Variants in CEP350 observed in about 807,000 individuals in gnomAD.
CEP350 encodes the protein centrosome-associated protein 350.
In CEP350, 126 loss-of-function variants were observed where a neutral mutation model predicts 331.8. The observed-to-expected ratio is 0.38, with a 90% CI of 0.33 to 0.44. The LOEUF (loss-of-function observed/expected upper bound fraction) is 0.44, where lower values mean the gene tolerates loss of function less well. CEP350 is among the 20% of genes least tolerant of loss of function. CEP350 has a pLI of 1.00. For synonymous variants in CEP350, 1,200 were observed against 1,259.5 expected (o/e 0.95, Z 1.00); for missense variants, 3,406 against 3,634.6 (o/e 0.94, Z 1.62).
chr1:180,041,577 A>T, intron 18 of CEP350, 85 bp from the exon 19 acceptor site: 1 of 1,301,148 alleles, frequency 7.7e-7, no homozygotes, highest in Non-Finnish European at 1.0e-6. Flanking sequence ...TGAATAAGAC[A>T]TGAAATAAAT....
chr1:179,997,281 T>C, intron 6 of CEP350, 106 bp downstream of exon 6: 1 of 1,339,938 alleles, frequency 7.5e-7, no homozygotes, highest in Non-Finnish European at 1.0e-6. Context: ...GATGTTATTC[T>C]TGACTGCATA....
chr1:180,032,776 A>G (rs1209190107), intron 15 of CEP350, among the ~76,000 whole-genome samples: 1 of 152,118 alleles, frequency 6.6e-6, no homozygotes, highest in Non-Finnish European at 1.5e-5. Context: ...TAGCAAATAT[A>G]AATTCATCTT....
At chr1:179,990,666 A>C (rs1477007983) in intron 4 of CEP350, 45 bp downstream of exon 4, 1 of 1,068,372 alleles carries the variant, frequency 9.4e-7, no homozygotes, top group African/African-American at 1.6e-5. Flanking sequence ...ATTAAATATA[A>C]ATTTTGACAA....
rs996331375 is a variant in CEP350 at position 180,113,901 on chromosome 1, C to A, written c.*2740C>A. ...AACCAACATACAGGCTTCAGATTTA[C>A]TTCTGAGTCCAAAACAATTTGTGCT... is the stretch of plus-strand genomic sequence containing the variant. On this transcript the variant is annotated 3_prime_UTR_variant, in exon 38 of 38. Coordinates refer to ENST00000367607, the MANE Select transcript of CEP350 (RefSeq NM_014810.5). 6.6e-6 allele frequency: 1 copy of A among 152,600 alleles called. No homozygotes were observed. Among genetic ancestry groups the A allele is most frequent in the Non-Finnish European group, 1.5e-5 (1 of 68,042 alleles). The allele number at this position is 152,600 out of a possible 1,614,324, so 9.5% of individuals were successfully genotyped here. A position where few individuals can be genotyped will look rare whatever the true frequency, so the allele number is the denominator to read the frequency against.
At chr1:180,044,260 T>C in intron 21 of CEP350, 87 bp downstream of exon 21, 1 of 1,320,386 alleles carries the variant, frequency 7.6e-7, no homozygotes, top group South Asian at 1.7e-5. Flanking sequence ...TTCTTAATCT[T>C]GTTTATTTAA....
At position 180,084,077 on chromosome 1, in the gene CEP350, C is replaced by T. The variant is rs370144436; in HGVS notation, c.6184C>T (p.Arg2062Trp). Residue 2062 changes from arginine to tryptophan, a missense_variant, in exon 31 of 38, where the codon CGG becomes TGG. By Grantham distance (101) the Arg-to-Trp change is moderately radical. Coordinates refer to ENST00000367607, the MANE Select transcript of CEP350 (RefSeq NM_014810.5). Reference sequence around the variant, plus strand: ...GATCAGAGCTCTGAAGGATGAGTTGCGGAAAAGAAAATCAGTTGTGAACCA... The same window carrying T: ...GATCAGAGCTCTGAAGGATGAGTTGTGGAAAAGAAAATCAGTTGTGAACCA... ...GRIRALKDEL[R>W]KRKSVVNQLK... 3.5e-5 allele frequency: 56 copies of T among 1,599,382 alleles called. 2 individuals carry two copies. In the Admixed American group the frequency reaches 7.9e-4, roughly 23 times the overall value.
chr1:180,022,761 C>T lies in CEP350; in HGVS notation c.3299C>T (p.Pro1100Leu), dbSNP rs1344238048. 1 of 1,610,618 alleles carries T rather than the reference C, an allele frequency of 6.2e-7. No individual in the cohort carries two copies. The highest frequency in any genetic ancestry group is 1.1e-5 in the South Asian group (1 of 90,398). ...TSRPLNATAT[P>L]LSGVSYEDDF... ...CGGCCTTTGAATGCCACCGCAACTC[C>T]TCTAAGTGGTGTTTCATATGAAGAT... is the stretch of plus-strand genomic sequence containing the variant. Residue 1100 changes from proline to leucine, a missense_variant, in exon 13 of 38, where the codon CCT (proline) becomes CTT (leucine). Physicochemically the swap from Pro to Leu is moderately conservative, Grantham distance 98. Transcript: ENST00000367607.
intron 6 of CEP350, among the ~76,000 whole-genome samples, chr1:180,000,188 T>C (rs1350099333): frequency 6.6e-6 from 1 of 152,058 alleles, no homozygotes; most frequent in Non-Finnish European, 1.5e-5. Flanking sequence ...AGTTAACATA[T>C]AAGATGCAAA....
Position 180,041,139 on chromosome 1 carries a change from C to A in CEP350, c.4112C>A (p.Ala1371Glu). 3 of 1,586,094 alleles carry A rather than the reference C, an allele frequency of 1.9e-6. No homozygotes were observed. Among genetic ancestry groups the A allele is most frequent in the Non-Finnish European group, 2.6e-6 (3 of 1,165,964 alleles). ...TAACATTTGACCATTATTTTGAAGGCACAACAGCAACGCCATGAAAGAGAC... is the reference window on the plus strand; with the variant it reads ...TAACATTTGACCATTATTTTGAAGGAACAACAGCAACGCCATGAAAGAGAC... ...ESVSLAQIIK[A>E]QQQRHERDLA... The change falls in exon 18 of 38, where the codon GCA (alanine) becomes GAA (glutamate). Residue 1371 changes from alanine to glutamate, a missense_variant and splice_region_variant. By Grantham distance (107) the Ala-to-Glu change is moderately radical. This residue lies in a region of CEP350 where 1,857 missense variants were observed against 1,909.2 expected (regional missense o/e 0.97). Coordinates refer to ENST00000367607, the MANE Select transcript of CEP350 (RefSeq NM_014810.5).
chr1:180,043,958 A>G, intron 20 of CEP350, 93 bp from the exon 21 acceptor site: 1 of 1,096,086 alleles, frequency 9.1e-7, no homozygotes, highest in Non-Finnish European at 1.2e-6. Context: ...CTATTTGTTC[A>G]AGATTTTATC....
At position 180,011,952 on chromosome 1, in the gene CEP350, T is replaced by A. The variant is rs202134877; in HGVS notation, c.1270T>A (p.Ser424Thr). ...RTGSSHLISTSSWRDGQKLVK... is the reference protein window; with the variant it reads ...RTGSSHLISTTSWRDGQKLVK... Reference sequence around the variant, plus strand: ...AGGTAGTAGTCATCTTATAAGTACATCTTCTTGGCGAGATGGACAAAAATT... The same window carrying A: ...AGGTAGTAGTCATCTTATAAGTACAACTTCTTGGCGAGATGGACAAAAATT... Residue 424 changes from serine to threonine, a missense_variant, in exon 9 of 38, where the codon TCT becomes ACT. Transcript: ENST00000367607. 923 of 1,602,354 alleles carry A rather than the reference T, an allele frequency of 5.8e-4. No homozygotes were observed. Among genetic ancestry groups the A allele is most frequent in the Non-Finnish European group, 7.5e-4 (883 of 1,173,816 alleles).
Position 180,033,879 on chromosome 1 carries a change from G to A in CEP350, c.3743G>A (p.Gly1248Glu), listed in dbSNP as rs1229390718. 1.1e-5 allele frequency: 17 copies of A among 1,613,634 alleles called. No homozygotes were observed. In the Admixed American group the frequency reaches 2.8e-4, roughly 27 times the overall value. The change falls in exon 16 of 38, where the codon GGA becomes GAA. Residue 1248 changes from glycine to glutamate, a missense_variant. By Grantham distance (98) the Gly-to-Glu change is moderately conservative (BLOSUM62 -2). Transcript: ENST00000367607. ...GHSVSVSSDK[G>E]RSQKTPTSPL... ...ACTTCTAGTGTCTCATCAGATAAGG[G>A]AAGATCTCAGAAAACTCCAACTTCT...
intron 25 of CEP350, among the ~76,000 whole-genome samples, chr1:180,060,800 A>G (rs1299732033): frequency 1.3e-5 from 2 of 152,198 alleles, no homozygotes; most frequent in African/African-American, 2.4e-5. Flanking sequence ...TAAAATATAT[A>G]CATATGATAT....
chr1:180,023,410 A>C (rs746783618), intron 13 of CEP350, among the ~76,000 whole-genome samples: 1 of 152,260 alleles, frequency 6.6e-6, no homozygotes, highest in Admixed American at 6.5e-5. Flanking sequence ...ATACTAACAT[A>C]AAAAGCTTAA....
chr1:180,093,465 A>G lies in CEP350; in HGVS notation c.7360A>G (p.Arg2454Gly). 1 of 1,608,192 alleles carries G rather than the reference A, an allele frequency of 6.2e-7. No individual in the cohort carries two copies. Among genetic ancestry groups the G allele is most frequent in the Non-Finnish European group, 8.5e-7 (1 of 1,176,860 alleles). Residue 2454 changes from arginine to glycine, a missense_variant, in exon 34 of 38, where the codon AGG becomes GGG. Coordinates refer to ENST00000367607, the MANE Select transcript of CEP350 (RefSeq NM_014810.5). ...TATCCATAGCAATGTTCATTCTGAC[A>G]GGCTGTTGGAACTCAAGTCCCCTAC... ...LSIHSNVHSD[R>G]LLELKSPTEL...
intron 11 of CEP350, among the ~76,000 whole-genome samples, chr1:180,019,385 G>A (rs1206086280): frequency 2.6e-5 from 4 of 152,002 alleles, no homozygotes; most frequent in African/African-American, 4.8e-5. Context: ...ATTGTTTCAC[G>A]TTCATTAATT....
intron 8 of CEP350, among the ~76,000 whole-genome samples, chr1:180,010,308 TTTAGA>T (rs1373653421): frequency 7.2e-5 from 11 of 151,954 alleles, no homozygotes; most frequent in Non-Finnish European, 8.8e-5. Flanking sequence ...TTTTGTTTCT[TTTAGA>T]TTATTTATAT....
At chr1:179,990,007 G>A (rs1652930155) in intron 3 of CEP350, among the ~76,000 whole-genome samples, 1 of 151,946 alleles carries the variant, frequency 6.6e-6, no homozygotes, top group African/African-American at 2.4e-5. Flanking sequence ...TGGCCAACAT[G>A]TGGAAACTCC....
At chr1:180,087,819 A>C (rs1374796686) in intron 32 of CEP350, 102 bp downstream of exon 32, 54 of 1,183,146 alleles carry the variant, frequency 4.6e-5, no homozygotes, top group Non-Finnish European at 5.8e-5. Context: ...AAATTACAGA[A>C]GTAAAAATAT....
Sources: allele counts gnomAD v4.1 joint callset (sites outside exome capture counted in the v4.1 genomes callset), GRCh38; gene constraint gnomAD v4.1.1; regional missense constraint gnomAD v4.1.1; transcripts MANE v1.5; gene names NCBI Gene and HGNC (gene_info 2026-07-23, HGNC 2026-07-21).